ANKS1B: variants seen among roughly 807,000 people sequenced by gnomAD.
The protein encoded by ANKS1B is ankyrin repeat and sterile alpha motif domain-containing protein 1B.
ANKS1B carries 36 observed loss-of-function variants against 148.3 expected under a neutral mutation model. The observed-to-expected ratio is 0.24, with a 90% CI of 0.19 to 0.32. ANKS1B has a LOEUF of 0.32. Ranked by LOEUF, ANKS1B falls within the 10% of genes least tolerant of loss-of-function variation. The pLI, the probability that ANKS1B is intolerant of heterozygous loss-of-function variation, is 1.00. For missense variants in ANKS1B, 1,157 were observed against 1,542.6 expected (o/e 0.75, Z 4.19); for synonymous variants, 542 against 560.8 (o/e 0.97, Z 0.47).
intron 11 of ANKS1B, among the ~76,000 whole-genome samples, chr12:99,436,390 C>A (rs961139832): frequency 1.3e-5 from 2 of 152,014 alleles, no homozygotes; most frequent in Admixed American, 1.3e-4. Context: ...CATACTCAAT[C>A]ATGGGAATAA....
chr12:99,177,956 A>G (rs1184631133), intron 14 of ANKS1B, among the ~76,000 whole-genome samples: 1 of 152,194 alleles, frequency 6.6e-6, no homozygotes, highest in East Asian at 1.9e-4. Context: ...TAATCAGAAT[A>G]CCATTAAGTG....
intron 9 of ANKS1B, among the ~76,000 whole-genome samples, chr12:99,588,383 A>C (rs867456788): frequency 6.6e-6 from 1 of 151,780 alleles, no homozygotes; most frequent in Non-Finnish European, 1.5e-5. Context: ...AAAGTCTGTT[A>C]GAAATTTGTG....
chr12:99,372,103 A>T (rs569319802), intron 12 of ANKS1B, among the ~76,000 whole-genome samples: 1 of 152,116 alleles, frequency 6.6e-6, no homozygotes, highest in East Asian at 1.9e-4. Context: ...CAACACCAAG[A>T]GTGAACTCTA....
chr12:99,089,170 AT>A (rs11350172), intron 15 of ANKS1B, among the ~76,000 whole-genome samples: 90,280 of 148,902 alleles, frequency 0.61, 27,417 homozygotes, highest in East Asian at 0.8. Context: ...CTCCTCCATC[AT>A]TTTTTTTTTT....
At chr12:99,496,036 A>G (rs1482822033) in intron 10 of ANKS1B, among the ~76,000 whole-genome samples, 1 of 151,876 alleles carries the variant, frequency 6.6e-6, no homozygotes, top group Non-Finnish European at 1.5e-5. Flanking sequence ...TAAGACCCAC[A>G]CTATCTTGGC....
chr12:99,845,860 G>C (rs2086584436), intron 1 of ANKS1B, among the ~76,000 whole-genome samples: 1 of 151,870 alleles, frequency 6.6e-6, no homozygotes, highest in Admixed American at 6.6e-5. Context: ...CCTGGGTTTT[G>C]GTTGGTGGCT....
chr12:99,930,399 C>CT (rs1220565968), intron 1 of ANKS1B, among the ~76,000 whole-genome samples: 2 of 152,172 alleles, frequency 1.3e-5, no homozygotes, highest in Non-Finnish European at 2.9e-5. Context: ...AGATTTTGGG[C>CT]TGAGACAATG....
intron 17 of ANKS1B, among the ~76,000 whole-genome samples, chr12:98,929,573 G>A (rs1433901891): frequency 1.3e-5 from 2 of 151,986 alleles, no homozygotes; most frequent in African/African-American, 2.4e-5. Context: ...CATAAGAACA[G>A]TATTGGTATA....
intron 16 of ANKS1B, among the ~76,000 whole-genome samples, chr12:99,054,416 T>C (rs1051784902): frequency 2.6e-5 from 4 of 152,240 alleles, no homozygotes; most frequent in Admixed American, 6.5e-5. Flanking sequence ...AAGCTTTCTA[T>C]CACTATGCAT....
chr12:99,317,312 C>T (rs2084318337), intron 12 of ANKS1B, among the ~76,000 whole-genome samples: 1 of 152,134 alleles, frequency 6.6e-6, no homozygotes, highest in South Asian at 2.1e-4. Context: ...ATGGAATGTT[C>T]TTCCATTTGT....
intron 19 of ANKS1B, among the ~76,000 whole-genome samples, chr12:98,812,161 G>A (rs1441903997): frequency 1.3e-5 from 2 of 152,236 alleles, no homozygotes; most frequent in East Asian, 1.9e-4. Flanking sequence ...TTCAGTCAAC[G>A]ACAGACTGCA....
intron 12 of ANKS1B, among the ~76,000 whole-genome samples, chr12:99,309,390 TAATA>T (rs1270633571): frequency 1.4e-4 from 22 of 152,098 alleles, no homozygotes; most frequent in African/African-American, 5.1e-4. Flanking sequence ...CTGTTGTCAT[TAATA>T]GTTTTCCACA....
intron 17 of ANKS1B, among the ~76,000 whole-genome samples, chr12:98,945,580 T>C (rs1250504264): frequency 6.8e-6 from 1 of 147,432 alleles, no homozygotes; most frequent in Admixed American, 6.7e-5. Context: ...CAGCATTTCA[T>C]ATTCCAGCTA....
At chr12:98,943,722 G>A (rs897361206) in intron 17 of ANKS1B, among the ~76,000 whole-genome samples, 4 of 152,184 alleles carry the variant, frequency 2.6e-5, no homozygotes, top group Admixed American at 1.3e-4. Context: ...AAGGCCAACC[G>A]TTTGGCAACC....
intron 10 of ANKS1B, among the ~76,000 whole-genome samples, chr12:99,470,562 A>G (rs1036670787): frequency 6.6e-6 from 1 of 152,130 alleles, no homozygotes; most frequent in African/African-American, 2.4e-5. Flanking sequence ...CAATTCCTCA[A>G]TTCTCCTATT....
chr12:98,954,802 C>A (rs568640726), intron 17 of ANKS1B, among the ~76,000 whole-genome samples: 23 of 152,146 alleles, frequency 1.5e-4, no homozygotes, highest in Non-Finnish European at 2.6e-4. Flanking sequence ...ACTTAACTTT[C>A]TTCATGGAAA....
chr12:99,327,609 G>T (rs532013113), intron 12 of ANKS1B, among the ~76,000 whole-genome samples: 1 of 148,554 alleles, frequency 6.7e-6, no homozygotes, highest in African/African-American at 2.5e-5. Context: ...GACTCTGTGT[G>T]TTAGGGAGGT....
intron 1 of ANKS1B, among the ~76,000 whole-genome samples, chr12:99,900,555 AT>A (rs2093564470): frequency 6.6e-6 from 1 of 151,908 alleles, no homozygotes; most frequent in South Asian, 2.1e-4. Context: ...CTTGCACACA[AT>A]AGTGACAAAA....
At chr12:99,370,022 T>C (rs1012437970) in intron 12 of ANKS1B, among the ~76,000 whole-genome samples, 1 of 152,136 alleles carries the variant, frequency 6.6e-6, no homozygotes, top group African/African-American at 2.4e-5. Context: ...ATTGTACAAA[T>C]ATAGGATGAG....
Sources: gnomAD v4.1 joint callset for allele counts (sites outside exome capture counted in the v4.1 genomes callset) on GRCh38, gnomAD v4.1.1 for gene constraint, MANE v1.5 for transcripts, NCBI Gene and HGNC (gene_info 2026-07-23, HGNC 2026-07-21) for gene names.